Variants in RUVBL2 observed in about 807,000 individuals in gnomAD.
The protein encoded by RUVBL2 is ruvB-like 2.
RUVBL2 carries 9 observed loss-of-function variants against 57.9 expected under a neutral mutation model. The ratio of observed to expected loss-of-function variants is 0.16; its 90% CI spans 0.09 to 0.27. The LOEUF is 0.27. Ranked by LOEUF, RUVBL2 falls within the 10% of genes least tolerant of loss-of-function variation. The probability of loss-of-function intolerance (pLI) is 1.00; values close to 1 mark genes in which losing one functional copy is unlikely to be tolerated. For missense variants in RUVBL2, 456 were observed against 669.6 expected, an observed-to-expected ratio of 0.68 and a Z score of 3.52; for synonymous variants, 278 against 264.6, an observed-to-expected ratio of 1.05 and a Z score of -0.49.
intron 2 of RUVBL2, among the ~76,000 whole-genome samples, chr19:49,002,073 G>A (rs2039195205): frequency 6.6e-6 from 1 of 151,086 alleles, no homozygotes; most frequent in Non-Finnish European, 1.5e-5. Flanking sequence ...TTTTGAGATG[G>A]AGTCTCACTG....
rs1324003866 is a variant in RUVBL2, at chr19:49,015,060, C to T, written c.1161C>T (p.Tyr387=). ...ATGTGGAGATGAGTGAGGACGCCTACACGGTGCTGACCCGCATCGGGCTGG... is the reference window on the plus strand; with the variant it reads ...ATGTGGAGATGAGTGAGGACGCCTATACGGTGCTGACCCGCATCGGGCTGG... The part of the protein sequence containing the change: ...EEDVEMSEDA[Y]TVLTRIGLET... The change falls in exon 13 of 15, where the codon TAC becomes TAT. Residue 387 remains tyrosine, a synonymous_variant. Transcript: ENST00000595090. The T allele has an allele frequency of 1.2e-6, 2 of 1,608,270 alleles. No homozygotes were observed. Among genetic ancestry groups the T allele is most frequent in the Non-Finnish European group, 1.7e-6 (2 of 1,177,492 alleles).
intron 1 of RUVBL2, 27 bp downstream of exon 1, chr19:48,993,950 G>A: frequency 4.3e-6 from 7 of 1,613,848 alleles, no homozygotes; most frequent in Non-Finnish European, 5.9e-6. Context: ...GGAGGGTGAG[G>A]AGCGAGCTAG....
intron 2 of RUVBL2, among the ~76,000 whole-genome samples, chr19:49,000,372 T>C (rs945765914): frequency 6.6e-6 from 1 of 152,036 alleles, no homozygotes; most frequent in African/African-American, 2.4e-5. Flanking sequence ...CTGGCCAACA[T>C]GGTGAAACCT....
In RUVBL2 at chr19:49,015,119, C is replaced by T; in HGVS notation, c.1220C>T (p.Thr407Ile). 1.2e-6 allele frequency: 2 copies of T among 1,609,848 alleles called. No individual in the cohort carries two copies. Among genetic ancestry groups the T allele is most frequent in the Non-Finnish European group, 8.5e-7 (1 of 1,178,376 alleles). ...TSLRYAIQLI[T>I]AASLVCRKRK... Reference sequence around the variant, plus strand: ...CTGCGCTACGCCATCCAGCTCATCACAGCTGCCAGCTTGGTGTGCCGGAAA... The same window carrying T: ...CTGCGCTACGCCATCCAGCTCATCATAGCTGCCAGCTTGGTGTGCCGGAAA... Residue 407 changes from threonine to isoleucine, a missense_variant, in exon 13 of 15, where the codon ACA becomes ATA. Thr to Ile is a moderately conservative substitution (Grantham distance 89). Coordinates refer to ENST00000595090, the MANE Select transcript of RUVBL2 (RefSeq NM_006666.3).
intron 4 of RUVBL2, among the ~76,000 whole-genome samples, chr19:49,005,639 C>CTTTTTTTTTTTTTTTTT (rs2039267852): frequency 6.8e-6 from 1 of 147,906 alleles, no homozygotes. Flanking sequence ...TACTCTTCTT[C>CTTTTTTTTTTTTTTTTT]ATTTTTTTTT....
intron 11 of RUVBL2, among the ~76,000 whole-genome samples, chr19:49,013,027 G>A (rs1042803332): frequency 1.3e-5 from 2 of 152,220 alleles, no homozygotes; most frequent in Non-Finnish European, 2.9e-5. Context: ...GCAGTGGCAC[G>A]ATCTCGGCTC....
chr19:49,015,547 C>A, intron 13 of RUVBL2, 25 bp from the exon 14 acceptor site: 2 of 1,564,122 alleles, frequency 1.3e-6, no homozygotes, highest in Non-Finnish European at 8.8e-7. Context: ...AGGGGCCCAA[C>A]TGAGGACTCG....
chr19:49,002,678 A>G (rs1028063512), intron 2 of RUVBL2, among the ~76,000 whole-genome samples: 9 of 152,082 alleles, frequency 5.9e-5, no homozygotes, highest in African/African-American at 1.9e-4. Flanking sequence ...TCCGCCTCCC[A>G]GGTTCAAGCA....
chr19:49,010,258 A>G, intron 8 of RUVBL2, 192 bp downstream of exon 8: 3 of 700,406 alleles, frequency 4.3e-6, no homozygotes, highest in South Asian at 1.8e-5. Context: ...GCATGGCCAC[A>G]TGTGGCCTGT....
intron 1 of RUVBL2, among the ~76,000 whole-genome samples, chr19:48,996,917 C>T (rs752292671): frequency 7.0e-4 from 106 of 152,070 alleles, no homozygotes; most frequent in Non-Finnish European, 1.3e-3. Context: ...CCTGCTTCAG[C>T]CTCCCAAAGT....
chr19:49,010,595 C>T lies in RUVBL2; in HGVS notation c.771C>T (p.Phe257=). ...TCATCAACTCTCGCACCCAGGGCTT[C>T]CTGGCGCTCTTCTCAGGTGAGGCCC... ...IDVINSRTQG[F]LALFSGDTGE... is the part of the protein sequence containing the mutation. Residue 257 remains phenylalanine (F), a synonymous_variant, in exon 9 of 15, where the codon TTC becomes TTT. Coordinates refer to ENST00000595090, the MANE Select transcript of RUVBL2 (RefSeq NM_006666.3). The T allele has an allele frequency of 1.9e-6, 3 of 1,613,686 alleles. No individual in the cohort carries two copies.
chr19:49,002,131 C>G (rs925354704), intron 2 of RUVBL2, among the ~76,000 whole-genome samples: 2 of 152,004 alleles, frequency 1.3e-5, no homozygotes, highest in Non-Finnish European at 2.9e-5. Context: ...TCACTGCAAC[C>G]TCCACCTCCC....
At chr19:48,996,711 T>A (rs916712317) in intron 1 of RUVBL2, among the ~76,000 whole-genome samples, 5 of 152,072 alleles carry the variant, frequency 3.3e-5, no homozygotes, top group Admixed American at 2.0e-4. Context: ...ATTTTTAGTG[T>A]AGACTGGGTT....
chr19:49,004,765 T>C (rs900730533), intron 4 of RUVBL2, among the ~76,000 whole-genome samples: 4 of 152,116 alleles, frequency 2.6e-5, no homozygotes, highest in Admixed American at 6.6e-5. Context: ...TCGAGTTGGC[T>C]TCCTTTAAAC....
intron 4 of RUVBL2, 134 bp downstream of exon 4, chr19:49,004,552 T>G (rs1168388204): frequency 1.1e-6 from 1 of 875,666 alleles, no homozygotes; most frequent in Non-Finnish European, 1.7e-6. Context: ...GGATTCATTC[T>G]TGCCCATGGA....
chr19:49,009,733 G>A (rs1377461811), intron 6 of RUVBL2, 43 bp from the exon 7 acceptor site: 13 of 1,558,302 alleles, frequency 8.3e-6, no homozygotes, highest in Non-Finnish European at 1.2e-5. Context: ...GGCAACATCA[G>A]GGCCCTCTCT....
intron 8 of RUVBL2, 177 bp downstream of exon 8, chr19:49,010,243 G>C (rs776170741): frequency 9.9e-5 from 71 of 716,396 alleles, no homozygotes; most frequent in African/African-American, 1.4e-4. Flanking sequence ...TGGCACTATA[G>C]CTTCGCATGG....
Position 49,004,372 on chromosome 19 carries a change from C to A in RUVBL2, c.219C>A (p.Val73=). 1 of 1,613,294 alleles carries A rather than the reference C, an allele frequency of 6.2e-7. No individual in the cohort carries two copies. Among genetic ancestry groups the A allele is most frequent in the Non-Finnish European group, 8.5e-7 (1 of 1,179,974 alleles). ...AAGGGAAGATTGCCGGTCGGGCAGT[C>A]CTTATTGCTGGCCAGCCGGGCACGG... is the stretch of plus-strand genomic sequence containing the variant. ...IREGKIAGRA[V]LIAGQPGTGK... is the part of the protein sequence containing the mutation. The change falls in exon 4 of 15, where the codon GTC becomes GTA. Residue 73 remains valine (V), a synonymous_variant. Coordinates refer to ENST00000595090, the MANE Select transcript of RUVBL2 (RefSeq NM_006666.3).
intron 8 of RUVBL2, 21 bp from the exon 9 acceptor site, chr19:49,010,467 T>TGCGCCCCC: frequency 2.9e-6 from 4 of 1,401,206 alleles, no homozygotes; most frequent in Non-Finnish European, 4.0e-6. Context: ...CCGCCGTTCT[T>TGCGCCCCC]CCCCCACCCC....
Sources: allele counts gnomAD v4.1 joint callset (sites outside exome capture counted in the v4.1 genomes callset), GRCh38; gene constraint gnomAD v4.1.1; transcripts MANE v1.5; gene names NCBI Gene and HGNC (gene_info 2026-07-23, HGNC 2026-07-21).